Variants in VCL observed in about 807,000 individuals in gnomAD.
VCL encodes the protein epididymis luminal protein 114.
Under a neutral mutation model 125.7 loss-of-function variants are expected in VCL, and 47 were observed. The ratio of observed to expected loss-of-function variants is 0.37; its 90% CI spans 0.30 to 0.48. The LOEUF (loss-of-function observed/expected upper bound fraction) is 0.48, where lower values mean the gene tolerates loss of function less well. VCL is among the 20% of genes least tolerant of loss of function. The pLI, the probability that VCL is intolerant of heterozygous loss-of-function variation, is 0.99. For missense variants in VCL, 1,069 were observed against 1,455.5 expected (o/e 0.73, Z 4.32); for synonymous variants, 458 against 514.6 (o/e 0.89, Z 1.49).
chr10:74,020,228 G>T (rs1176559011), intron 1 of VCL, among the ~76,000 whole-genome samples: 1 of 152,170 alleles, frequency 6.6e-6, no homozygotes, highest in Admixed American at 6.6e-5. Flanking sequence ...TTATGCAAAT[G>T]AGCTTACTTT....
chr10:74,112,228 C>T, intron 19 of VCL, 116 bp downstream of exon 19: 1 of 1,327,708 alleles, frequency 7.5e-7, no homozygotes, highest in Non-Finnish European at 1.1e-6. Flanking sequence ...GCAGGGCGGG[C>T]ATCTGTCTGT....
intron 15 of VCL, among the ~76,000 whole-genome samples, chr10:74,104,201 G>A (rs1424768280): frequency 2.0e-5 from 3 of 152,152 alleles, no homozygotes. Context: ...TCTTCTCTTT[G>A]AATAGTGTCT....
chr10:74,021,463 G>A (rs1479952134), intron 1 of VCL, among the ~76,000 whole-genome samples: 5 of 151,946 alleles, frequency 3.3e-5, no homozygotes, highest in Non-Finnish European at 7.4e-5. Context: ...TAAAACTTCC[G>A]AAGGCAATGA....
intron 15 of VCL, among the ~76,000 whole-genome samples, chr10:74,104,222 C>T (rs965717018): frequency 2.0e-5 from 3 of 152,116 alleles, no homozygotes; most frequent in African/African-American, 4.8e-5. Context: ...TTGCCCAGTC[C>T]GAGCCCGAGT....
rs1166582274 is a variant in VCL at position 74,091,810 on chromosome 10, A to AAAAAG, written c.1352+1627_1352+1631dup. 4.3e-4 allele frequency among the ~76,000 whole-genome samples: 63 copies of AAAAAG among 145,378 alleles called. 1 individual carries two copies. The highest frequency in any genetic ancestry group is 1.2e-3 in the African/African-American group (45 of 36,784). On this transcript the variant is annotated intron_variant, in intron 10 of 21. Coordinates refer to ENST00000211998, the MANE Select transcript of VCL (RefSeq NM_014000.3). ...TCTCAGCAAAAAAAAAAAAAAAAAA[A>AAAAAG]AAAAGAAAAGAAAAGAAAAAAAAGA...
At chr10:74,105,393 G>C (rs772152123) in intron 16 of VCL, 40 bp downstream of exon 16, 25 of 1,610,994 alleles carry the variant, frequency 1.6e-5, no homozygotes, top group East Asian at 2.2e-5. Flanking sequence ...TCCACTGAGA[G>C]GTTAACTCAG....
At chr10:74,017,294 G>A (rs997310592) in intron 1 of VCL, among the ~76,000 whole-genome samples, 12 of 151,604 alleles carry the variant, frequency 7.9e-5, no homozygotes, top group Admixed American at 5.3e-4. Flanking sequence ...TGATCCGCCC[G>A]CCTCGGCCTC....
rs755085809 is a variant in VCL, at chr10:74,089,386, TTCATAAATATCCTAAG to T, written c.1176+52_1176+67del. 34 of 1,611,374 alleles carry T rather than the reference TTCATAAATATCCTAAG, an allele frequency of 2.1e-5. No individual in the cohort carries two copies. In the East Asian group the frequency reaches 5.8e-4, roughly 27 times the overall value. On this transcript the variant is annotated intron_variant, in intron 9 of 21. Transcript: ENST00000211998. ...GATTTTCAGGAGGGGTGGGAAATAT[TTCATAAATATCCTAAG>T]TCATAAATATCCTATCTTTCTTCTC... is the stretch of plus-strand genomic sequence containing the variant.
Position 74,095,815 on chromosome 10 carries a change from A to T in VCL, c.1703A>T (p.Gln568Leu). The T allele has an allele frequency of 6.2e-7, 1 of 1,614,150 alleles. No homozygotes were observed. Among genetic ancestry groups the T allele is most frequent in the Non-Finnish European group, 8.5e-7 (1 of 1,180,034 alleles). Residue 568 changes from glutamine to leucine, a missense_variant, in exon 12 of 22, where the codon CAG becomes CTG. By Grantham distance (113) the Gln-to-Leu change is moderately radical (BLOSUM62 -2). Coordinates refer to ENST00000211998, the MANE Select transcript of VCL (RefSeq NM_014000.3). ...GCCAGAGGGGAAGGGGAGAGTCCTCAGGCACGAGCACTTGCATCTCAGCTC... is the reference window on the plus strand; with the variant it reads ...GCCAGAGGGGAAGGGGAGAGTCCTCTGGCACGAGCACTTGCATCTCAGCTC... Reference protein sequence around the residue: ...LAARGEGESPQARALASQLQD... With the variant: ...LAARGEGESPLARALASQLQD...
intron 1 of VCL, among the ~76,000 whole-genome samples, chr10:74,041,883 A>G (rs1386811873): frequency 6.6e-6 from 1 of 152,270 alleles, no homozygotes; most frequent in Non-Finnish European, 1.5e-5. Context: ...AGCCTGGGCA[A>G]CAGAGTGAGA....
At chr10:74,045,248 CAGAG>C (rs985435213) in intron 2 of VCL, among the ~76,000 whole-genome samples, 1 of 146,790 alleles carries the variant, frequency 6.8e-6, no homozygotes, top group African/African-American at 2.6e-5. Context: ...AAATGAAAAA[CAGAG>C]AGACAGAGAG....
At chr10:74,052,366 T>C (rs954361558) in intron 2 of VCL, among the ~76,000 whole-genome samples, 1 of 150,366 alleles carries the variant, frequency 6.7e-6, no homozygotes, top group South Asian at 2.1e-4. Flanking sequence ...GATTCAATTC[T>C]TCAGTTAGTT....
At chr10:74,050,724 G>A (rs74146310) in intron 2 of VCL, among the ~76,000 whole-genome samples, 80 of 151,648 alleles carry the variant, frequency 5.3e-4, no homozygotes, top group African/African-American at 1.8e-3. Flanking sequence ...TGTGTGATTT[G>A]TGTGTGTGTG....
At position 74,103,879 on chromosome 10, in the gene VCL, T is replaced by C; in HGVS notation, c.2082T>C (p.His694=). 6.2e-7 allele frequency: 1 copy of C among 1,614,142 alleles called. No individual in the cohort carries two copies. Among genetic ancestry groups the C allele is most frequent in the Non-Finnish European group, 8.5e-7 (1 of 1,179,982 alleles). ...CTGGAAATCAAGCTGCTTATGAACATTTTGAGACCATGAAGAACCAGTGGA... is the reference window on the plus strand; with the variant it reads ...CTGGAAATCAAGCTGCTTATGAACACTTTGAGACCATGAAGAACCAGTGGA... The part of the protein sequence containing the change: ...RNPGNQAAYE[H]FETMKNQWID... Residue 694 remains histidine (H), a synonymous_variant, in exon 15 of 22, where the codon CAT becomes CAC. Coordinates refer to ENST00000211998, the MANE Select transcript of VCL (RefSeq NM_014000.3).
At chr10:74,090,342 T>C (rs998526570) in intron 10 of VCL, 144 bp downstream of exon 10, 83 of 882,982 alleles carry the variant, frequency 9.4e-5, no homozygotes, top group Non-Finnish European at 1.1e-4. Flanking sequence ...GCTCTTCCAC[T>C]ATATTCTCAT....
Position 74,097,621 on chromosome 10 carries a change from T to A in VCL, c.1872+289T>A, listed in dbSNP as rs1035590937. Among the ~76,000 whole-genome samples, 4 of 152,174 alleles carry A rather than the reference T, an allele frequency of 2.6e-5. No homozygotes were observed. Among genetic ancestry groups the A allele is most frequent in the Non-Finnish European group, 1.5e-5 (1 of 68,018 alleles). The stretch of plus-strand genomic sequence containing the variant: ...TGGAAGTAGGTGGCTTTGGCATTGG[T>A]TCAGCAGCTAAATATCATGAAAGCT... On this transcript the variant is annotated intron_variant, in intron 13 of 21. Coordinates refer to ENST00000211998, the MANE Select transcript of VCL (RefSeq NM_014000.3). This position sits in a 1 kb window ranked among gnomAD's most constrained non-coding sequence, Gnocchi z 4.1.
At chr10:74,116,686 C>A (rs1372986786) in intron 21 of VCL, among the ~76,000 whole-genome samples, 54 of 136,272 alleles carry the variant, frequency 4.0e-4, no homozygotes, top group African/African-American at 7.6e-4. Flanking sequence ...AACTCCGTCT[C>A]AAAAAAAAAA....
chr10:74,096,372 T>C (rs1839969519), intron 12 of VCL, among the ~76,000 whole-genome samples: 1 of 152,012 alleles, frequency 6.6e-6, no homozygotes, highest in Non-Finnish European at 1.5e-5. Flanking sequence ...AATAAATAAA[T>C]AAATGAAAGA....
At chr10:74,024,377 A>T (rs1258455147) in intron 1 of VCL, among the ~76,000 whole-genome samples, 1 of 152,132 alleles carries the variant, frequency 6.6e-6, no homozygotes, top group Non-Finnish European at 1.5e-5. Flanking sequence ...TTGGGAGGCC[A>T]AGGTGGGAGG....
Sources: allele counts gnomAD v4.1 joint callset (sites outside exome capture counted in the v4.1 genomes callset), GRCh38; gene constraint gnomAD v4.1.1; non-coding constraint Gnocchi (gnomAD v3.1); transcripts MANE v1.5; gene names NCBI Gene and HGNC (gene_info 2026-07-23, HGNC 2026-07-21).